The following RBFOX1 variants were observed in gnomAD, a reference collection of about 807,000 sequenced individuals.
The protein encoded by RBFOX1 is RNA binding fox-1 homolog 1, also known as RNA binding protein fox-1 homolog 1.
A neutral mutation model predicts 57.7 loss-of-function variants in RBFOX1; 8 were observed. That is an observed-to-expected ratio of 0.14 (90% CI 0.08 to 0.25). The LOEUF is 0.25. Among genes scored for constraint, RBFOX1 ranks in the 10% least tolerant of loss-of-function variants. The probability of loss-of-function intolerance (pLI) is 1.00; values close to 1 mark genes in which losing one functional copy is unlikely to be tolerated. For synonymous variants in RBFOX1, 326 were observed against 222.4 expected (o/e 1.47, Z -4.15); for missense variants, 611 against 548.5 (o/e 1.11, Z -1.14).
At chr16:7,282,564 T>A (rs2095566860) in intron 4 of RBFOX1, among the ~76,000 whole-genome samples, 1 of 152,062 alleles carries the variant, frequency 6.6e-6, no homozygotes, top group African/African-American at 2.4e-5. Flanking sequence ...TTAAGCTTTT[T>A]TTTTTCCTGT....
At chr16:5,765,738 C>T (rs964851904) in intron 3 of RBFOX1, among the ~76,000 whole-genome samples, 2 of 152,166 alleles carry the variant, frequency 1.3e-5, no homozygotes, top group African/African-American at 2.4e-5. Flanking sequence ...AGTGAAGCAC[C>T]TCAGCCTGGG....
At chr16:6,886,047 G>C (rs964521333) in intron 3 of RBFOX1, among the ~76,000 whole-genome samples, 2 of 150,772 alleles carry the variant, frequency 1.3e-5, no homozygotes, top group Non-Finnish European at 3.0e-5. Flanking sequence ...TGACTGTCCA[G>C]TGAAAGTATT....
At chr16:5,709,018 C>T (rs12447242) in intron 3 of RBFOX1, among the ~76,000 whole-genome samples, 33,027 of 152,104 alleles carry the variant, frequency 0.22, 4,570 homozygotes, top group East Asian at 0.63. Context: ...GAGACCCAAC[C>T]GAAATATTTC....
chr16:7,178,334 C>G (rs1601966797), intron 4 of RBFOX1, among the ~76,000 whole-genome samples: 1 of 152,112 alleles, frequency 6.6e-6, no homozygotes, highest in East Asian at 1.9e-4. Flanking sequence ...GAAGGTCTTC[C>G]AATGGTAATT....
chr16:5,253,695 A>G (rs545508327), intron 1 of RBFOX1, among the ~76,000 whole-genome samples: 9 of 152,248 alleles, frequency 5.9e-5, no homozygotes, highest in African/African-American at 2.2e-4. Flanking sequence ...ACAGGGTCTC[A>G]ATTTCTTGCA....
chr16:7,097,380 C>A (rs990746031), intron 4 of RBFOX1, among the ~76,000 whole-genome samples: 1 of 152,060 alleles, frequency 6.6e-6, no homozygotes, highest in African/African-American at 2.4e-5. Context: ...ATTAGAGTTG[C>A]TTGCATCAAC....
chr16:6,769,565 G>A (rs1347384112), intron 3 of RBFOX1, among the ~76,000 whole-genome samples: 6 of 152,120 alleles, frequency 3.9e-5, no homozygotes, highest in Non-Finnish European at 7.3e-5. Context: ...TTGCCTATTC[G>A]TGACAATGCT....
At chr16:7,691,417 G>C (rs1314319791) in intron 14 of RBFOX1, among the ~76,000 whole-genome samples, 1 of 151,038 alleles carries the variant, frequency 6.6e-6, no homozygotes, top group Non-Finnish European at 1.5e-5. Flanking sequence ...AATGAAAGGA[G>C]AGAAAGAACG....
Position 6,424,243 on chromosome 16 carries a change from G to A in RBFOX1, c.-64+107186G>A, listed in dbSNP as rs75870446. The stretch of plus-strand genomic sequence containing the variant: ...GACAGAGCGAGACTTGTTTCAAAAC[G>A]AAACAAAACAAATGAACAAACAAAC... On this transcript the variant is annotated intron_variant, in intron 2 of 15. Coordinates refer to ENST00000550418, the MANE Select transcript of RBFOX1 (RefSeq NM_018723.4). Among the ~76,000 whole-genome samples, 742 of 152,150 alleles carry A rather than the reference G, an allele frequency of 4.9e-3. 10 individuals carry two copies. Among genetic ancestry groups the A allele is most frequent in the African/African-American group, 0.017 (690 of 41,512 alleles).
At chr16:5,768,273 C>G (rs1213608771) in intron 3 of RBFOX1, among the ~76,000 whole-genome samples, 2 of 152,178 alleles carry the variant, frequency 1.3e-5, no homozygotes, top group African/African-American at 4.8e-5. Flanking sequence ...GTTGATTTAA[C>G]AAAGGAAGCG....
chr16:6,969,662 T>G (rs1354769130), intron 3 of RBFOX1, among the ~76,000 whole-genome samples: 1 of 152,094 alleles, frequency 6.6e-6, no homozygotes, highest in African/African-American at 2.4e-5. Context: ...GAGGATGGCT[T>G]GAGTCTGGGA....
chr16:6,257,684 C>T (rs1289627015), intron 1 of RBFOX1, among the ~76,000 whole-genome samples: 1 of 152,152 alleles, frequency 6.6e-6, no homozygotes, highest in Non-Finnish European at 1.5e-5. Context: ...ATTTGGTTTT[C>T]TATTCCTGCA....
rs528780725 is a variant in RBFOX1, at chr16:6,958,683, G to T, written c.-15-93374G>T. ...GAAGTTAATATGGAATTTCTAATTG[G>T]GGTCACATGCTAATGAACTCCCTCT... On this transcript the variant is annotated intron_variant, in intron 3 of 15. Coordinates refer to ENST00000550418, the MANE Select transcript of RBFOX1 (RefSeq NM_018723.4). Among the ~76,000 whole-genome samples, 5 of 152,226 alleles carry T rather than the reference G, an allele frequency of 3.3e-5. No homozygotes were observed. In the South Asian group the frequency reaches 1.0e-3, roughly 32 times the overall value.
chr16:5,781,486 C>T (rs2054322407), intron 3 of RBFOX1, among the ~76,000 whole-genome samples: 1 of 152,176 alleles, frequency 6.6e-6, no homozygotes, highest in Non-Finnish European at 1.5e-5. Context: ...CCTCAAACAC[C>T]CACACATATT....
intron 2 of RBFOX1, among the ~76,000 whole-genome samples, chr16:6,421,131 G>A (rs2093760286): frequency 1.3e-5 from 2 of 152,144 alleles, no homozygotes; most frequent in East Asian, 3.9e-4. Flanking sequence ...AATGAACCGT[G>A]GTGTAAACAA....
intron 2 of RBFOX1, among the ~76,000 whole-genome samples, chr16:6,335,573 AT>A (rs1219268031): frequency 8.6e-5 from 13 of 152,004 alleles, no homozygotes; most frequent in Admixed American, 7.9e-4. Context: ...AGGTCAAGAG[AT>A]TGAGACCCTC....
chr16:5,369,192 G>GA (rs2065799650), intron 1 of RBFOX1, among the ~76,000 whole-genome samples: 1 of 152,182 alleles, frequency 6.6e-6, no homozygotes. Context: ...AGTGGAGACT[G>GA]GGTTTTACCA....
At chr16:5,813,008 CTT>C (rs565304481) in intron 3 of RBFOX1, among the ~76,000 whole-genome samples, 10 of 135,902 alleles carry the variant, frequency 7.4e-5, no homozygotes, top group Middle Eastern at 3.5e-3. Flanking sequence ...CCTTTAACCA[CTT>C]TTTTTTTTTT....
chr16:5,358,873 C>T (rs1225275250), intron 1 of RBFOX1, among the ~76,000 whole-genome samples: 1 of 152,160 alleles, frequency 6.6e-6, no homozygotes, highest in African/African-American at 2.4e-5. Flanking sequence ...ACTATAGTCA[C>T]CTCATTGTGT....
Sources: gnomAD v4.1 joint callset for allele counts (sites outside exome capture counted in the v4.1 genomes callset) on GRCh38, gnomAD v4.1.1 for gene constraint, MANE v1.5 for transcripts, NCBI Gene and HGNC (gene_info 2026-07-23, HGNC 2026-07-21) for gene names.